Variants in LIFR observed in about 807,000 individuals in gnomAD.
LIFR encodes LIF receptor subunit alpha.
LIFR carries 84 observed loss-of-function variants against 122.2 expected under a neutral mutation model. The observed-to-expected ratio is 0.69, with a 90% CI of 0.58 to 0.82. The LOEUF (loss-of-function observed/expected upper bound fraction) is 0.82. Ranked by LOEUF, LIFR falls within the 40% of genes least tolerant of loss-of-function variation. LIFR has a pLI of 0.00. For missense variants in LIFR, 1,294 were observed against 1,311.6 expected (o/e 0.99, Z 0.21); for synonymous variants, 422 against 434.7 (o/e 0.97, Z 0.36).
intron 1 of LIFR, chr5:38,550,228 G>C (rs1458588267): frequency 2.1e-6 from 2 of 967,626 alleles, no homozygotes; most frequent in African/African-American, 3.5e-5. Context: ...ATTAGATTTG[G>C]TTTTAAACAA....
chr5:38,536,257 C>T (rs1747290548), intron 1 of LIFR, among the ~76,000 whole-genome samples: 1 of 152,054 alleles, frequency 6.6e-6, no homozygotes, highest in East Asian at 1.9e-4. Flanking sequence ...CCCTTCATAT[C>T]CCAGGGTTCT....
chr5:38,511,538 A>T (rs546484633), intron 6 of LIFR, among the ~76,000 whole-genome samples: 1 of 152,060 alleles, frequency 6.6e-6, no homozygotes, highest in African/African-American at 2.4e-5. Context: ...ATGCTCTTCA[A>T]TTCCTATGAC....
chr5:38,485,509 G>A, intron 17 of LIFR: 1 of 393,940 alleles, frequency 2.5e-6, no homozygotes. Flanking sequence ...TCACATAACA[G>A]CTGGAGCAAA....
intron 2 of LIFR, among the ~76,000 whole-genome samples, chr5:38,602,715 TAC>T (rs1359534602): frequency 2.0e-5 from 3 of 152,182 alleles, no homozygotes; most frequent in Non-Finnish European, 4.4e-5. Flanking sequence ...GTCTTATTGT[TAC>T]AGGTAGTTAG....
At chr5:38,570,774 G>A (rs965923244) in intron 1 of LIFR, among the ~76,000 whole-genome samples, 1 of 152,110 alleles carries the variant, frequency 6.6e-6, no homozygotes, top group Admixed American at 6.5e-5. Flanking sequence ...GACAAAAGTA[G>A]ATCTAACTTG....
At chr5:38,605,533 G>A (rs1046588073) in intron 2 of LIFR, among the ~76,000 whole-genome samples, 1 of 152,094 alleles carries the variant, frequency 6.6e-6, no homozygotes, top group Non-Finnish European at 1.5e-5. Flanking sequence ...GTGTGTGAAA[G>A]GAAAATAAAT....
chr5:38,497,510 C>T (rs1266275839), intron 12 of LIFR, among the ~76,000 whole-genome samples: 1 of 152,178 alleles, frequency 6.6e-6, no homozygotes, highest in Non-Finnish European at 1.5e-5. Flanking sequence ...CTCTACTTAG[C>T]AACAAACAAA....
At chr5:38,580,325 T>A (rs1007415107) in intron 1 of LIFR, among the ~76,000 whole-genome samples, 3 of 152,186 alleles carry the variant, frequency 2.0e-5, no homozygotes, top group African/African-American at 4.8e-5. Flanking sequence ...GGTTGCCTCC[T>A]AATTCCTCCA....
In LIFR at chr5:38,481,994, T is replaced by C. The variant is rs150911275; in HGVS notation, c.2895A>G (p.Glu965=). Residue 965 remains glutamate (E), a synonymous_variant, in exon 20 of 20, where the codon GAA becomes GAG. Coordinates refer to ENST00000453190, the MANE Select transcript of LIFR (RefSeq NM_001127671.2). ...AAATAACCTGTGCAGTCCCTCCAGC[T>C]TCATCTGCGGCTGGGTTTGGTATTT... is the stretch of plus-strand genomic sequence containing the variant. ...EEEIPNPAAD[E]AGGTAQVIYI... is the part of the protein sequence containing the mutation. 4.3e-6 allele frequency: 7 copies of C among 1,614,052 alleles called. No individual in the cohort carries two copies. In the African/African-American group the frequency reaches 8.0e-5, roughly 18 times the overall value.
chr5:38,585,475 AT>A (rs1254727447), intron 1 of LIFR, among the ~76,000 whole-genome samples: 1 of 152,196 alleles, frequency 6.6e-6, no homozygotes, highest in Non-Finnish European at 1.5e-5. Flanking sequence ...AAAAAACATA[AT>A]TTGGGCATAA....
At position 38,528,734 on chromosome 5, in the gene LIFR, A is replaced by T; in HGVS notation, c.249T>A (p.Ile83=). The change falls in exon 3 of 20, where the codon ATT becomes ATA. Residue 83 remains isoleucine, a synonymous_variant. Transcript: ENST00000453190. ...TGRGTDYEVC[I]ENRSRSCYQL... ...AAGTAAATTAAAATTACCTGTTTTC[A>T]ATGCAAACTTCATAATCAGTACCAC... 6.3e-7 allele frequency: 1 copy of T among 1,574,944 alleles called. No individual in the cohort carries two copies. Among genetic ancestry groups the T allele is most frequent in the Admixed American group, 1.8e-5 (1 of 56,870 alleles).
At chr5:38,499,393 C>T in intron 12 of LIFR, 120 bp downstream of exon 12, 2 of 730,510 alleles carry the variant, frequency 2.7e-6, no homozygotes, top group Non-Finnish European at 5.0e-6. Context: ...TAGATTCTCA[C>T]CAATATTGCA....
chr5:38,484,780 T>C lies in LIFR; in HGVS notation c.2586A>G (p.Arg862=), dbSNP rs1200473409. The change falls in exon 18 of 20, where the codon CGA becomes CGG. Residue 862 remains arginine, a synonymous_variant. Transcript: ENST00000453190. ...VVTSILCYRK[R]EWIKETFYPD... is the part of the protein sequence containing the mutation. ...AGTAAATGCAGAACTATTACCATTC[T>C]CGTTTCCGATAGCAAAGGATACTTG... 6.2e-7 allele frequency: 1 copy of C among 1,606,704 alleles called. No individual in the cohort carries two copies. Among genetic ancestry groups the C allele is most frequent in the Non-Finnish European group, 8.5e-7 (1 of 1,173,294 alleles).
At chr5:38,545,351 T>C (rs1747819154) in intron 1 of LIFR, among the ~76,000 whole-genome samples, 1 of 133,204 alleles carries the variant, frequency 7.5e-6, no homozygotes, top group Non-Finnish European at 1.6e-5. Flanking sequence ...CATAAATATA[T>C]GTGTGTGTGT....
intron 5 of LIFR, among the ~76,000 whole-genome samples, chr5:38,512,853 C>T (rs1231983366): frequency 6.6e-6 from 1 of 152,032 alleles, no homozygotes; most frequent in Non-Finnish European, 1.5e-5. Context: ...TGGGGTTGCA[C>T]TTTCAAAAGC....
rs1479042480 is a variant in LIFR, at chr5:38,574,252, A to T, written c.-20+21009T>A. Among the ~76,000 whole-genome samples the T allele has an allele frequency of 2.0e-5, 3 of 152,148 alleles. No individual in the cohort carries two copies. The East Asian group carries it at 5.8e-4, about 29-fold the overall frequency. ...CACACTCACTGTCTCTTTTCCTTAC[A>T]CATGCCAGGCTCCTTCCCTCTATAG... On this transcript the variant is annotated intron_variant, in intron 1 of 19. Transcript: ENST00000263409.
upstream of LIFR, among the ~76,000 whole-genome samples, chr5:38,595,701 G>T (rs1750076053): frequency 6.8e-6 from 1 of 147,458 alleles, no homozygotes; most frequent in South Asian, 2.2e-4. Flanking sequence ...TCTAGTATTA[G>T]AGTAATCCTG....
At chr5:38,486,020 C>T in intron 16 of LIFR, 40 bp from the exon 17 acceptor site, 2 of 1,578,852 alleles carry the variant, frequency 1.3e-6, no homozygotes, top group Non-Finnish European at 1.7e-6. Context: ...AATCTCTAAC[C>T]CGTTTCAAAT....
At chr5:38,567,617 C>T (rs1413897137) in intron 1 of LIFR, among the ~76,000 whole-genome samples, 1 of 151,666 alleles carries the variant, frequency 6.6e-6, no homozygotes, top group Non-Finnish European at 1.5e-5. Context: ...GAACCTCCGC[C>T]TCTTGGGTTC....
Sources: allele counts gnomAD v4.1 joint callset (sites outside exome capture counted in the v4.1 genomes callset), GRCh38; gene constraint gnomAD v4.1.1; transcripts MANE v1.5; gene names NCBI Gene and HGNC (gene_info 2026-07-23, HGNC 2026-07-21).